The following ANK2 variants were observed in gnomAD, a reference collection of about 807,000 sequenced individuals.
ANK2 encodes ankyrin-2.
A neutral mutation model predicts 360.5 loss-of-function variants in ANK2; 83 were observed. The ratio of observed to expected loss-of-function variants is 0.23; its 90% confidence interval spans 0.19 to 0.28. The LOEUF (loss-of-function observed/expected upper bound fraction) is 0.28, where lower values mean the gene tolerates loss of function less well. ANK2 is among the 10% of genes least tolerant of loss of function. ANK2 has a pLI of 1.00. For missense variants in ANK2, 4,201 were observed against 4,795.7 expected, an observed-to-expected ratio of 0.88 and a Z score of 3.66; for synonymous variants, 1,740 against 1,759.5, an observed-to-expected ratio of 0.99 and a Z score of 0.28.
chr4:113,172,514 G>GT (rs934739781), intron 1 of ANK2, among the ~76,000 whole-genome samples: 9 of 152,140 alleles, frequency 5.9e-5, no homozygotes, highest in South Asian at 4.1e-4. Flanking sequence ...CATAAGAATA[G>GT]TTTTTTTCTC....
intron 1 of ANK2, among the ~76,000 whole-genome samples, chr4:112,858,565 G>A (rs934306497): frequency 1.2e-4 from 18 of 152,240 alleles, no homozygotes; most frequent in Admixed American, 3.3e-4. Context: ...TAATATCAAA[G>A]TCCTTTATTT....
At chr4:113,038,938 T>G (rs1220095810) in intron 2 of ANK2, among the ~76,000 whole-genome samples, 1 of 152,030 alleles carries the variant, frequency 6.6e-6, no homozygotes, top group Non-Finnish European at 1.5e-5. Context: ...TGTATCAGAA[T>G]GAATCAGCCA....
At chr4:112,788,679 C>T in the ANK2 span, 40 of 1,600,370 alleles carry the variant, frequency 2.5e-5, no homozygotes, top group Non-Finnish European at 3.3e-5. Flanking sequence ...GAGGATGGCT[C>T]TCTGCTGCTG....
At chr4:112,809,698 A>G in the ANK2 span, among the ~76,000 whole-genome samples, 3 of 151,100 alleles carry the variant, frequency 2.0e-5, no homozygotes, top group African/African-American at 7.3e-5. Context: ...TCTGGGCAAT[A>G]TGGTGAAACC....
Position 113,250,759 on chromosome 4 carries a change from C to CCCA in ANK2, c.990+899_990+900insACC, listed in dbSNP as rs1554340086. 4.5e-5 allele frequency among the ~76,000 whole-genome samples: 6 copies of CCCA among 134,620 alleles called. 1 individual carries two copies. The highest frequency in any genetic ancestry group is 1.1e-4 in the African/African-American group (4 of 37,808). The allele number at this position is 134,620 out of a possible 152,430, so 88.3% of individuals were successfully genotyped here. A position where few individuals can be genotyped will look rare whatever the true frequency, so the allele number is the denominator to read the frequency against. On this transcript the variant is annotated intron_variant, in intron 10 of 45. Coordinates refer to ENST00000357077, the MANE Select transcript of ANK2 (RefSeq NM_001148.6). Reference sequence around the variant, plus strand: ...TCCATTCCACCTCATACCACCGCCCCCCCCCCCGACAGAGTTGGTATCAAC... The same window carrying CCCA: ...TCCATTCCACCTCATACCACCGCCCCCCACCCCCCCGACAGAGTTGGTATCAAC...
chr4:113,135,926 C>T (rs183971296), intron 1 of ANK2, among the ~76,000 whole-genome samples: 47 of 152,086 alleles, frequency 3.1e-4, no homozygotes, highest in African/African-American at 2.7e-4. Flanking sequence ...TTGCTATTCT[C>T]GGAGATTCAT....
the ANK2 span, among the ~76,000 whole-genome samples, chr4:112,765,134 T>C: frequency 2.6e-5 from 4 of 152,256 alleles, no homozygotes; most frequent in African/African-American, 7.2e-5. Context: ...TAATTGTTCA[T>C]GCTGAATATA....
At chr4:113,178,904 T>C (rs2098320137) in intron 2 of ANK2, among the ~76,000 whole-genome samples, 1 of 152,202 alleles carries the variant, frequency 6.6e-6, no homozygotes, top group Admixed American at 6.5e-5. Flanking sequence ...AGGATATCTT[T>C]TTGAGTAGCT....
intron 1 of ANK2, among the ~76,000 whole-genome samples, chr4:112,862,146 G>A (rs1250795603): frequency 6.6e-6 from 1 of 152,184 alleles, no homozygotes; most frequent in Non-Finnish European, 1.5e-5. Context: ...TATCCAGCAT[G>A]TACTGAGAGC....
chr4:113,090,158 C>T (rs11735805), intron 1 of ANK2, among the ~76,000 whole-genome samples: 29,274 of 152,126 alleles, frequency 0.19, 3,717 homozygotes, highest in Non-Finnish European at 0.29. Flanking sequence ...AAAAGACTTT[C>T]CCAAAGAGTG....
intron 1 of ANK2, among the ~76,000 whole-genome samples, chr4:112,863,924 A>G (rs1047427218): frequency 2.0e-5 from 3 of 152,210 alleles, no homozygotes; most frequent in Non-Finnish European, 4.4e-5. Flanking sequence ...GAACTAAAGA[A>G]GGTAAAAAAT....
At chr4:112,793,907 C>T in the ANK2 span, among the ~76,000 whole-genome samples, 1 of 151,986 alleles carries the variant, frequency 6.6e-6, no homozygotes, top group Non-Finnish European at 1.5e-5. Flanking sequence ...ACCATGTTGT[C>T]CAGGATCTGG....
chr4:112,979,388 C>T (rs1277055637), intron 2 of ANK2, among the ~76,000 whole-genome samples: 2 of 152,076 alleles, frequency 1.3e-5, no homozygotes, highest in Non-Finnish European at 2.9e-5. Flanking sequence ...TTGGAGATGC[C>T]AGGGACTGCG....
chr4:113,199,150 T>C (rs2153406336), intron 4 of ANK2, 41 bp downstream of exon 4: 1 of 1,470,128 alleles, frequency 6.8e-7, no homozygotes, highest in East Asian at 2.3e-5. Flanking sequence ...TACATTTAAA[T>C]TAGAACAGTT....
chr4:112,855,237 C>G (rs2066062333), intron 1 of ANK2, among the ~76,000 whole-genome samples: 1 of 152,326 alleles, frequency 6.6e-6, no homozygotes. Flanking sequence ...TCGACAGCAG[C>G]ACTGCTGGCC....
In ANK2 at chr4:112,915,754, C is replaced by CAA. The variant is rs529167858; in HGVS notation, c.21+11249_21+11250dup. Among the ~76,000 whole-genome samples the CAA allele has an allele frequency of 7.2e-3, 1,022 of 141,144 alleles. 11 individuals are homozygous for CAA. Among genetic ancestry groups the CAA allele is most frequent in the African/African-American group, 0.025 (917 of 36,808 alleles). 92.6% of individuals were successfully genotyped at this position (141,144 alleles called of 152,430 possible). On this transcript the variant is annotated intron_variant, in intron 2 of 30. Coordinates refer to the ANK2 transcript ENST00000503271. ...TGGGCAACAGAGTGAGACTCTGTTTCAAAAAAAAAATAAATAAATAAATAA... is the reference window on the plus strand; with the variant it reads ...TGGGCAACAGAGTGAGACTCTGTTTCAAAAAAAAAAAATAAATAAATAAATAA...
At chr4:113,218,202 A>C (rs2099108655) in intron 4 of ANK2, among the ~76,000 whole-genome samples, 1 of 152,252 alleles carries the variant, frequency 6.6e-6, no homozygotes, top group African/African-American at 2.4e-5. Context: ...GATATGAAAC[A>C]AGACTTTGAT....
intron 2 of ANK2, among the ~76,000 whole-genome samples, chr4:112,989,714 G>T (rs1408845587): frequency 1.3e-5 from 2 of 152,218 alleles, no homozygotes; most frequent in Admixed American, 1.3e-4. Flanking sequence ...ATGGCAGGAA[G>T]TCAGGGAACT....
chr4:112,982,655 G>T (rs2154273096), intron 2 of ANK2, among the ~76,000 whole-genome samples: 1 of 152,336 alleles, frequency 6.6e-6, no homozygotes, highest in South Asian at 2.1e-4. Flanking sequence ...ATTCAGAGAG[G>T]ATGGAGGGCA....
Sources: allele counts gnomAD v4.1 joint callset (sites outside exome capture counted in the v4.1 genomes callset), GRCh38; gene constraint gnomAD v4.1.1; transcripts MANE v1.5; gene names NCBI Gene and HGNC (gene_info 2026-07-23, HGNC 2026-07-21).